Variants in USP33 observed in about 807,000 individuals in gnomAD.
USP33 encodes the protein ubiquitin carboxyl-terminal hydrolase 33.
A neutral mutation model predicts 124.2 loss-of-function variants in USP33; 46 were observed. That is an observed-to-expected ratio of 0.37 (90% CI 0.29 to 0.47). The LOEUF is 0.47. USP33 is among the 20% of genes least tolerant of loss of function. The pLI, the probability that USP33 is intolerant of heterozygous loss-of-function variation, is 0.99. For missense variants in USP33, 851 were observed against 1,070.6 expected, an observed-to-expected ratio of 0.79 and a Z score of 2.86; for synonymous variants, 350 against 352.3, an observed-to-expected ratio of 0.99 and a Z score of 0.07.
chr1:77,711,514 A>T (rs1675250424), intron 21 of USP33: 4 of 500,210 alleles, frequency 8.0e-6, no homozygotes, highest in Non-Finnish European at 1.2e-5. Flanking sequence ...GCGACAGAGC[A>T]AGATTTTGTC....
chr1:77,725,819 CAAT>C (rs1398406356), intron 10 of USP33, 57 bp from the exon 11 acceptor site: 5 of 1,438,654 alleles, frequency 3.5e-6, no homozygotes, highest in African/African-American at 1.4e-5. Context: ...TCTAACTGTC[CAAT>C]AATGTTAAAG....
chr1:77,711,505 C>T (rs969074117), intron 21 of USP33: 17 of 432,644 alleles, frequency 3.9e-5, no homozygotes, highest in African/African-American at 6.5e-5. Flanking sequence ...CCAGCCTGGG[C>T]GACAGAGCAA....
At chr1:77,722,364 AAAAAAC>A (rs1192827329) in intron 12 of USP33, 168 bp from the exon 13 acceptor site, 1 of 641,170 alleles carries the variant, frequency 1.6e-6, no homozygotes, top group Non-Finnish European at 2.5e-6. Flanking sequence ...ATAGCAAAAA[AAAAAAC>A]AAAAACAAAA....
intron 1 of USP33, among the ~76,000 whole-genome samples, chr1:77,754,374 C>T (rs1434435272): frequency 1.3e-5 from 2 of 152,080 alleles, no homozygotes; most frequent in East Asian, 1.9e-4. Flanking sequence ...AAGAAAATTG[C>T]TACCCAATAA....
intron 8 of USP33, among the ~76,000 whole-genome samples, 155 bp from the exon 9 acceptor site, chr1:77,730,093 C>G (rs1677634921): frequency 6.6e-6 from 1 of 152,152 alleles, no homozygotes; most frequent in Non-Finnish European, 1.5e-5. Flanking sequence ...ACAGGCACAT[C>G]AGAACACCTT....
chr1:77,752,302 T>TA (rs1298090080), intron 1 of USP33, among the ~76,000 whole-genome samples: 6 of 152,072 alleles, frequency 3.9e-5, no homozygotes, highest in Non-Finnish European at 7.4e-5. Context: ...CACATCCAGC[T>TA]AAATTTTTGT....
intron 21 of USP33, among the ~76,000 whole-genome samples, chr1:77,702,768 C>G (rs1229896071): frequency 6.6e-6 from 1 of 151,428 alleles, no homozygotes; most frequent in Non-Finnish European, 1.5e-5. Flanking sequence ...TCTTTTTTGC[C>G]AGGTTAGCCA....
intron 21 of USP33, among the ~76,000 whole-genome samples, chr1:77,710,570 C>A (rs1675131483): frequency 6.6e-6 from 1 of 152,190 alleles, no homozygotes; most frequent in Non-Finnish European, 1.5e-5. Flanking sequence ...TCTATACCTG[C>A]ATCTTTTTTA....
chr1:77,723,741 GC>G (rs1676844006), intron 11 of USP33, among the ~76,000 whole-genome samples: 1 of 151,870 alleles, frequency 6.6e-6, no homozygotes. Context: ...TCGGCTCACT[GC>G]CAAGTTCTGC....
intron 22 of USP33, 70 bp downstream of exon 22, chr1:77,701,299 T>G: frequency 9.0e-7 from 1 of 1,112,142 alleles, no homozygotes; most frequent in Non-Finnish European, 1.3e-6. Flanking sequence ...CACACAGATA[T>G]TCAAGAAATA....
At chr1:77,722,284 C>G in intron 12 of USP33, 88 bp from the exon 13 acceptor site, 1 of 1,144,558 alleles carries the variant, frequency 8.7e-7, no homozygotes, top group Admixed American at 3.0e-5. Context: ...AAGATCAAAG[C>G]ATGTTTAAAT....
At chr1:77,718,078 G>A (rs1296629098) in intron 16 of USP33, 31 bp from the exon 17 acceptor site, 1 of 1,536,896 alleles carries the variant, frequency 6.5e-7, no homozygotes, top group Non-Finnish European at 8.8e-7. Context: ...AAACTAATTT[G>A]TCAATACAGA....
At chr1:77,737,026 T>C (rs1365891114) in intron 5 of USP33, among the ~76,000 whole-genome samples, 1 of 151,808 alleles carries the variant, frequency 6.6e-6, no homozygotes. Context: ...GTTAGCCAAA[T>C]GCTAGTAAAC....
chr1:77,702,404 T>C (rs1674146297), intron 21 of USP33, among the ~76,000 whole-genome samples: 1 of 152,064 alleles, frequency 6.6e-6, no homozygotes, highest in South Asian at 2.1e-4. Flanking sequence ...ATATCCACAG[T>C]CTATACTTTT....
At chr1:77,742,070 G>A (rs1393129335) in intron 1 of USP33, among the ~76,000 whole-genome samples, 2 of 151,762 alleles carry the variant, frequency 1.3e-5, no homozygotes, top group East Asian at 3.9e-4. Flanking sequence ...ATAAATAAAA[G>A]GGGGGAATAT....
chr1:77,697,626 C>A (rs1029315067), intron 23 of USP33, 152 bp from the exon 24 acceptor site: 46 of 1,003,778 alleles, frequency 4.6e-5, no homozygotes, highest in Non-Finnish European at 6.3e-5. Context: ...TTGTTATAAG[C>A]TGAAACATAT....
chr1:77,698,276 T>G (rs908644482), intron 22 of USP33, among the ~76,000 whole-genome samples: 1 of 149,598 alleles, frequency 6.7e-6, no homozygotes, highest in Non-Finnish European at 1.5e-5. Context: ...AGTTTCACCA[T>G]GTTGGTCAGG....
intron 1 of USP33, among the ~76,000 whole-genome samples, chr1:77,743,862 G>T (rs1679412794): frequency 6.6e-6 from 1 of 152,124 alleles, no homozygotes; most frequent in African/African-American, 2.4e-5. Flanking sequence ...TGGGCGCAGT[G>T]GCTCACCCCT....
chr1:77,757,990 G>A lies in USP33; in HGVS notation c.-52+1653C>T, dbSNP rs139816171. On this transcript the variant is annotated intron_variant, in intron 1 of 23. Coordinates refer to ENST00000370794, the MANE Select transcript of USP33 (RefSeq NM_201624.3). ...AATCACCTATTTACTACAATCTAAT[G>A]TCATTAAACTGCAGTTATATAAAAA... Among the ~76,000 whole-genome samples, 531 of 151,996 alleles carry A rather than the reference G, an allele frequency of 3.5e-3. 3 individuals carry two copies. Among genetic ancestry groups the A allele is most frequent in the Middle Eastern group, 0.02 (6 of 294 alleles).
Sources: allele counts gnomAD v4.1 joint callset (sites outside exome capture counted in the v4.1 genomes callset), GRCh38; gene constraint gnomAD v4.1.1; transcripts MANE v1.5; gene names NCBI Gene and HGNC (gene_info 2026-07-23, HGNC 2026-07-21).